ADGRV1: variants seen among roughly 807,000 people sequenced by gnomAD.
ADGRV1 encodes adhesion G protein-coupled receptor V1.
In ADGRV1, 359 loss-of-function variants were observed where a neutral mutation model predicts 596.2. The observed-to-expected ratio is 0.60, with a 90% CI of 0.55 to 0.66. ADGRV1 has a LOEUF of 0.66. ADGRV1 is among the 30% of genes least tolerant of loss of function. ADGRV1 has a pLI of 0.00. For synonymous variants in ADGRV1, 2,681 were observed against 2,679.2 expected, an observed-to-expected ratio of 1.00 and a Z score of -0.02; for missense variants, 7,274 against 7,575.6, an observed-to-expected ratio of 0.96 and a Z score of 1.48.
chr5:90,992,230 A>C (rs1467005487), intron 85 of ADGRV1, among the ~76,000 whole-genome samples: 1 of 152,260 alleles, frequency 6.6e-6, no homozygotes, highest in Non-Finnish European at 1.5e-5. Flanking sequence ...ATTCTTATTC[A>C]AAGGCCTGTT....
At chr5:90,747,476 G>A (rs1419847902) in intron 52 of ADGRV1, among the ~76,000 whole-genome samples, 1 of 151,998 alleles carries the variant, frequency 6.6e-6, no homozygotes, top group African/African-American at 2.4e-5. Context: ...AAGCTCATGG[G>A]GTGTAAAGTC....
Position 90,815,704 on chromosome 5 carries a change from A to G in ADGRV1, c.16164A>G (p.Arg5388=), listed in dbSNP as rs41304884. The G allele has an allele frequency of 0.017, 26,402 of 1,566,476 alleles. 329 individuals carry two copies. Among genetic ancestry groups the G allele is most frequent in the Middle Eastern group, 0.048 (288 of 6,002 alleles). Residue 5388 remains arginine (R), a synonymous_variant, in exon 75 of 90, where the codon AGA becomes AGG. Coordinates refer to ENST00000405460, the MANE Select transcript of ADGRV1 (RefSeq NM_032119.4). ...TCAGGGAAGGAGCTGTTATGAGAAG[A>G]TTGCACCTTATTGTCACAAGACAGC... ...LELREGAVMR[R]LHLIVTRQPN... is the part of the protein sequence containing the mutation.
At chr5:91,003,528 G>A (rs190433532) in intron 85 of ADGRV1, among the ~76,000 whole-genome samples, 3 of 152,232 alleles carry the variant, frequency 2.0e-5, no homozygotes, top group Admixed American at 2.0e-4. Context: ...ACATAATTCT[G>A]TTCAGTTCTA....
intron 86 of ADGRV1, among the ~76,000 whole-genome samples, chr5:91,092,433 T>G (rs1471483403): frequency 6.6e-6 from 1 of 152,162 alleles, no homozygotes; most frequent in African/African-American, 2.4e-5. Flanking sequence ...AGTCAGGAAG[T>G]TTTTGGTGAC....
chr5:90,695,170 A>T (rs1319778924), intron 33 of ADGRV1, among the ~76,000 whole-genome samples: 1 of 152,202 alleles, frequency 6.6e-6, no homozygotes, highest in East Asian at 1.9e-4. Context: ...ATTTGTAAGT[A>T]AAAGTAGCAT....
At chr5:90,805,640 A>G (rs1389548701) in intron 72 of ADGRV1, among the ~76,000 whole-genome samples, 182 bp downstream of exon 72, 1 of 152,186 alleles carries the variant, frequency 6.6e-6, no homozygotes, top group Non-Finnish European at 1.5e-5. Flanking sequence ...AGCTTTTTTC[A>G]GTCAAATTAA....
intron 21 of ADGRV1, among the ~76,000 whole-genome samples, chr5:90,669,472 T>G (rs995307757): frequency 6.6e-6 from 1 of 152,060 alleles, no homozygotes; most frequent in Non-Finnish European, 1.5e-5. Flanking sequence ...TCGTTGACAC[T>G]TAAAAAAAAT....
At chr5:91,050,294 G>A (rs1439174762) in intron 85 of ADGRV1, among the ~76,000 whole-genome samples, 2 of 152,140 alleles carry the variant, frequency 1.3e-5, no homozygotes, top group African/African-American at 4.8e-5. Context: ...CAGCGGTCTA[G>A]CTCCCTGATT....
intron 1 of ADGRV1, among the ~76,000 whole-genome samples, chr5:90,612,612 G>T (rs1270513618): frequency 6.6e-6 from 1 of 151,976 alleles, no homozygotes; most frequent in African/African-American, 2.4e-5. Context: ...TAGAGATATT[G>T]TAAGGATTAA....
At chr5:90,681,801 C>A (rs1328034556) in intron 27 of ADGRV1, among the ~76,000 whole-genome samples, 1 of 137,312 alleles carries the variant, frequency 7.3e-6, no homozygotes, top group Non-Finnish European at 1.5e-5. Context: ...CAAAGAATTG[C>A]CTTCCTCCCT....
chr5:90,730,978 A>T (rs1365789140), intron 50 of ADGRV1, among the ~76,000 whole-genome samples: 1 of 152,224 alleles, frequency 6.6e-6, no homozygotes, highest in Non-Finnish European at 1.5e-5. Context: ...TTACCATGCT[A>T]TGAAGAATTC....
chr5:90,825,343 C>T (rs1310538948), intron 76 of ADGRV1, among the ~76,000 whole-genome samples: 1 of 149,228 alleles, frequency 6.7e-6, no homozygotes, highest in Non-Finnish European at 1.5e-5. Flanking sequence ...ATTTATAAAA[C>T]ATTATCTGTT....
chr5:91,035,185 C>G (rs536744459), intron 85 of ADGRV1, among the ~76,000 whole-genome samples: 1 of 152,276 alleles, frequency 6.6e-6, no homozygotes, highest in African/African-American at 2.4e-5. Context: ...TGTATGCCAT[C>G]AACCCTTTTT....
chr5:90,762,794 C>T (rs887530821), intron 58 of ADGRV1: 8 of 152,460 alleles, frequency 5.2e-5, no homozygotes, highest in African/African-American at 1.9e-4. Context: ...CGCCAAGTCT[C>T]AGTTTCTTCA....
At chr5:90,646,512 A>G (rs1185313762) in intron 16 of ADGRV1, among the ~76,000 whole-genome samples, 2 of 152,072 alleles carry the variant, frequency 1.3e-5, no homozygotes, top group African/African-American at 4.8e-5. Flanking sequence ...TATTATGCCT[A>G]ATGGATGGCC....
intron 85 of ADGRV1, among the ~76,000 whole-genome samples, chr5:91,040,131 A>G (rs573408416): frequency 2.0e-5 from 3 of 152,182 alleles, no homozygotes; most frequent in Non-Finnish European, 4.4e-5. Context: ...GAGAAATATA[A>G]TGCTTTTACA....
chr5:90,801,598 A>G (rs1015304214), intron 70 of ADGRV1, among the ~76,000 whole-genome samples: 2 of 151,892 alleles, frequency 1.3e-5, no homozygotes, highest in African/African-American at 4.8e-5. Context: ...TGAATAAAAC[A>G]CCTGTTACCC....
chr5:90,862,400 A>G (rs1016377099), intron 82 of ADGRV1, among the ~76,000 whole-genome samples: 2 of 152,130 alleles, frequency 1.3e-5, no homozygotes, highest in African/African-American at 4.8e-5. Flanking sequence ...GCACACATAC[A>G]TGCACAGGCA....
chr5:90,928,583 T>G (rs1484914852), intron 83 of ADGRV1, among the ~76,000 whole-genome samples: 2 of 150,566 alleles, frequency 1.3e-5, no homozygotes, highest in Non-Finnish European at 3.0e-5. Context: ...TTGAATGTCC[T>G]CCCGTAGCTC....
Sources: allele counts gnomAD v4.1 joint callset (sites outside exome capture counted in the v4.1 genomes callset), GRCh38; gene constraint gnomAD v4.1.1; transcripts MANE v1.5; gene names NCBI Gene and HGNC (gene_info 2026-07-23, HGNC 2026-07-21).